RAP1A: variants seen among roughly 807,000 people sequenced by gnomAD.
RAP1A encodes the protein ras-related protein Rap-1A.
In RAP1A, 6 loss-of-function variants were observed where a neutral mutation model predicts 26.4. The observed-to-expected ratio is 0.23, with a 90% CI of 0.12 to 0.45. The LOEUF is 0.45. Among genes scored for constraint, RAP1A ranks in the 20% least tolerant of loss-of-function variants. The pLI is 0.99. For missense variants in RAP1A, 121 were observed against 217.2 expected (o/e 0.56, Z 2.78); for synonymous variants, 73 against 79.4 (o/e 0.92, Z 0.43).
intron 1 of RAP1A, among the ~76,000 whole-genome samples, chr1:111,632,639 G>T (rs1659600885): frequency 6.6e-6 from 1 of 152,156 alleles, no homozygotes; most frequent in African/African-American, 2.4e-5. Context: ...ACGGCCAGGT[G>T]TGGTGGCTCA....
At chr1:111,694,322 G>A (rs1443573336) in intron 2 of RAP1A, among the ~76,000 whole-genome samples, 1 of 152,180 alleles carries the variant, frequency 6.6e-6, no homozygotes, top group African/African-American at 2.4e-5. Flanking sequence ...CTTAGTAGGA[G>A]AAAGAAGTTT....
At chr1:111,577,237 T>TA (rs1244013317) in intron 1 of RAP1A, among the ~76,000 whole-genome samples, 1 of 151,436 alleles carries the variant, frequency 6.6e-6, no homozygotes, top group East Asian at 1.9e-4. Context: ...ACCCTGTCCG[T>TA]ACTAAAAATA....
intron 1 of RAP1A, among the ~76,000 whole-genome samples, chr1:111,660,180 A>T (rs890518323): frequency 2.0e-5 from 3 of 152,180 alleles, no homozygotes; most frequent in African/African-American, 7.2e-5. Context: ...CTTAATACAG[A>T]GTTGTAACTT....
intron 1 of RAP1A, among the ~76,000 whole-genome samples, chr1:111,561,008 G>T (rs1657716014): frequency 6.6e-6 from 1 of 152,224 alleles, no homozygotes; most frequent in Admixed American, 6.5e-5. Context: ...TTACTAGGCT[G>T]AGTTTTGCTT....
intron 1 of RAP1A, among the ~76,000 whole-genome samples, chr1:111,644,739 A>G (rs1220821750): frequency 1.3e-5 from 2 of 152,220 alleles, no homozygotes; most frequent in African/African-American, 2.4e-5. Context: ...AAGGCCTGAT[A>G]ATGAGCTTGG....
intron 1 of RAP1A, among the ~76,000 whole-genome samples, chr1:111,586,181 C>T (rs759542703): frequency 1.4e-4 from 22 of 152,146 alleles, no homozygotes; most frequent in East Asian, 3.8e-4. Context: ...TCTACAAATA[C>T]GGGAATCATA....
At chr1:111,702,568 C>CTT (rs761741419) in intron 4 of RAP1A, among the ~76,000 whole-genome samples, 1 of 143,696 alleles carries the variant, frequency 7.0e-6, no homozygotes, top group African/African-American at 2.5e-5. Context: ...TGAACAAGCT[C>CTT]TTTTTTTTTT....
At chr1:111,548,432 C>G (rs554325044) in intron 1 of RAP1A, among the ~76,000 whole-genome samples, 1 of 152,290 alleles carries the variant, frequency 6.6e-6, no homozygotes, top group South Asian at 2.1e-4. Context: ...AGAAATGCTT[C>G]AGGATCTTGA....
chr1:111,549,833 T>G (rs1392251921), intron 1 of RAP1A, among the ~76,000 whole-genome samples: 1 of 152,018 alleles, frequency 6.6e-6, no homozygotes, highest in South Asian at 2.1e-4. Context: ...TAAATTTTTT[T>G]GTAGAGACAG....
intron 1 of RAP1A, among the ~76,000 whole-genome samples, chr1:111,648,026 G>A (rs1403136487): frequency 6.6e-6 from 1 of 151,810 alleles, no homozygotes; most frequent in African/African-American, 2.4e-5. Context: ...TTCAAATCTA[G>A]GTCACAACCT....
chr1:111,709,404 A>G lies in RAP1A; in HGVS notation c.*29+140A>G, dbSNP rs1571579203. ...TAAATGTGATATATAACTTGTAGGT[A>G]CGTCATCTGTTGGATAACTTGCCCT... On this transcript the variant is annotated intron_variant, in intron 7 of 7. Transcript: ENST00000369709. 3 of 985,216 alleles carry G rather than the reference A, an allele frequency of 3.0e-6. No homozygotes were observed. The East Asian group carries it at 9.2e-5, about 30-fold the overall frequency. 61.0% of individuals were successfully genotyped at this position (985,216 alleles called of 1,614,324 possible). A position where few individuals can be genotyped will look rare whatever the true frequency, so the allele number is the denominator to read the frequency against.
At chr1:111,673,473 C>T (rs576124745) in intron 1 of RAP1A, among the ~76,000 whole-genome samples, 1 of 152,208 alleles carries the variant, frequency 6.6e-6, no homozygotes, top group Non-Finnish European at 1.5e-5. Context: ...CAATTTAATT[C>T]ACAAAGACAA....
intron 1 of RAP1A, among the ~76,000 whole-genome samples, chr1:111,575,017 A>G (rs892404535): frequency 6.6e-6 from 1 of 152,278 alleles, no homozygotes; most frequent in Non-Finnish European, 1.5e-5. Flanking sequence ...ATCACTTACT[A>G]CAATGCAAGC....
chr1:111,649,900 T>A (rs1660207611), intron 1 of RAP1A, among the ~76,000 whole-genome samples: 1 of 152,180 alleles, frequency 6.6e-6, no homozygotes, highest in South Asian at 2.1e-4. Flanking sequence ...CTGATTTTCA[T>A]TCCTCTGTTA....
chr1:111,593,826 G>A (rs748711874), intron 1 of RAP1A, among the ~76,000 whole-genome samples: 8 of 151,934 alleles, frequency 5.3e-5, no homozygotes, highest in Non-Finnish European at 1.2e-4. Context: ...TGTGTGCAAA[G>A]AACAAGGCCT....
At chr1:111,686,745 AG>A (rs1268728997) in intron 1 of RAP1A, 2 of 151,692 alleles carry the variant, frequency 1.3e-5, no homozygotes, top group African/African-American at 4.8e-5. Context: ...GGAACCAAAA[AG>A]TTTGAGAACT....
intron 1 of RAP1A, among the ~76,000 whole-genome samples, chr1:111,550,877 G>A (rs942076202): frequency 6.6e-6 from 1 of 151,620 alleles, no homozygotes; most frequent in Admixed American, 6.6e-5. Flanking sequence ...TTTGTGGCCT[G>A]TCTTATAGTT....
chr1:111,599,357 C>T (rs948356332), intron 1 of RAP1A, among the ~76,000 whole-genome samples: 1 of 152,118 alleles, frequency 6.6e-6, no homozygotes. Context: ...AGGCGCATGC[C>T]ACCGCATCCA....
Position 111,713,968 on chromosome 1 carries a change from C to T in RAP1A, c.*1567C>T, listed in dbSNP as rs1318255045. On this transcript the variant is annotated 3_prime_UTR_variant, in exon 8 of 8. Coordinates refer to ENST00000369709, the MANE Select transcript of RAP1A (RefSeq NM_002884.4). ...GTCATTGCTCAGGGATCTCTAGATA[C>T]TGTCTCTTTGCAACTAGGTATGAAG... 1 of 152,204 alleles carries T rather than the reference C, an allele frequency of 6.6e-6. No homozygotes were observed. The highest frequency in any genetic ancestry group is 1.5e-5 in the Non-Finnish European group (1 of 68,036). 9.4% of individuals were successfully genotyped at this position (152,204 alleles called of 1,614,324 possible). A position where few individuals can be genotyped will look rare whatever the true frequency, so the allele number is the denominator to read the frequency against.
Sources: allele counts gnomAD v4.1 joint callset (sites outside exome capture counted in the v4.1 genomes callset), GRCh38; gene constraint gnomAD v4.1.1; transcripts MANE v1.5; gene names NCBI Gene and HGNC (gene_info 2026-07-23, HGNC 2026-07-21).